REDIC1: variants seen among roughly 807,000 people sequenced by gnomAD.
The protein encoded by REDIC1 is HEI10 Interacting Protein 1.
the REDIC1 span, chr12:39,871,707 A>G: frequency 1.6e-6 from 2 of 1,240,252 alleles, no homozygotes; most frequent in East Asian, 5.5e-5. Context: ...AACCAATATT[A>G]GAAGTGGTGT....
chr12:39,809,678 T>C, the REDIC1 span, among the ~76,000 whole-genome samples: 124 of 152,004 alleles, frequency 8.2e-4, no homozygotes, highest in African/African-American at 2.8e-3. Context: ...CACAACAGTC[T>C]CTGGTGTGTG....
the REDIC1 span, among the ~76,000 whole-genome samples, chr12:39,855,221 C>T: frequency 6.6e-6 from 1 of 152,196 alleles, no homozygotes; most frequent in East Asian, 1.9e-4. Context: ...TATTTAATAA[C>T]TTTATTTTTT....
the REDIC1 span, among the ~76,000 whole-genome samples, chr12:39,803,204 CAAAAA>C: frequency 1.4e-5 from 1 of 73,736 alleles, no homozygotes; most frequent in South Asian, 4.1e-4. Context: ...GAAGCAAATG[CAAAAA>C]AAAAAAAAAA....
the REDIC1 span, among the ~76,000 whole-genome samples, chr12:39,712,924 CATATACGTGT>C: frequency 5.5e-5 from 8 of 144,316 alleles, no homozygotes; most frequent in Admixed American, 1.4e-4. Context: ...TACATATGTG[CATATACGTGT>C]ATATACGTGT....
the REDIC1 span, among the ~76,000 whole-genome samples, chr12:39,741,299 A>T: frequency 6.6e-6 from 1 of 151,456 alleles, no homozygotes; most frequent in Non-Finnish European, 1.5e-5. Context: ...CCTCTCCTTT[A>T]AAAAAAAATA....
the REDIC1 span, among the ~76,000 whole-genome samples, chr12:39,865,522 G>A: frequency 6.6e-6 from 1 of 152,134 alleles, no homozygotes; most frequent in Non-Finnish European, 1.5e-5. Flanking sequence ...TAGGAATGGT[G>A]ATTAAGTATA....
chr12:39,680,928 C>A, the REDIC1 span, among the ~76,000 whole-genome samples: 1 of 152,164 alleles, frequency 6.6e-6, no homozygotes, highest in African/African-American at 2.4e-5. Context: ...AACATTGTTA[C>A]GTTCTTACTT....
the REDIC1 span, among the ~76,000 whole-genome samples, chr12:39,688,454 G>T: frequency 2.0e-5 from 3 of 152,220 alleles, no homozygotes; most frequent in Non-Finnish European, 2.9e-5. Context: ...CAAGTACCTT[G>T]TTTCATTCTA....
the REDIC1 span, among the ~76,000 whole-genome samples, chr12:39,887,754 A>G: frequency 2.9e-4 from 44 of 152,220 alleles, no homozygotes; most frequent in Non-Finnish European, 4.4e-4. Context: ...AAAATTCCAG[A>G]TTTTCTTTCT....
At chr12:39,732,793 C>T in the REDIC1 span, among the ~76,000 whole-genome samples, 3 of 152,026 alleles carry the variant, frequency 2.0e-5, no homozygotes, top group Non-Finnish European at 2.9e-5. Context: ...ACTCAAAATG[C>T]CCATATTTGG....
the REDIC1 span, among the ~76,000 whole-genome samples, chr12:39,664,762 G>A: frequency 1.5e-4 from 23 of 152,100 alleles, no homozygotes; most frequent in African/African-American, 4.3e-4. Context: ...TTTAATAATC[G>A]CCATTCTAAC....
the REDIC1 span, among the ~76,000 whole-genome samples, chr12:39,707,148 CA>C: frequency 3.3e-5 from 5 of 151,772 alleles, no homozygotes; most frequent in Non-Finnish European, 1.5e-5. Context: ...ATAAGGAGTT[CA>C]AACAACTGTA....
chr12:39,643,501 A>G, the REDIC1 span, among the ~76,000 whole-genome samples: 5 of 151,660 alleles, frequency 3.3e-5, no homozygotes, highest in South Asian at 4.1e-4. Flanking sequence ...AACTTTCTAT[A>G]TAGAGATAAT....
the REDIC1 span, among the ~76,000 whole-genome samples, chr12:39,823,084 G>T: frequency 6.6e-6 from 1 of 152,130 alleles, no homozygotes; most frequent in African/African-American, 2.4e-5. Flanking sequence ...TTATTTATGG[G>T]TAGATGAAAC....
the REDIC1 span, among the ~76,000 whole-genome samples, chr12:39,663,536 T>C: frequency 6.6e-6 from 1 of 152,068 alleles, no homozygotes; most frequent in Non-Finnish European, 1.5e-5. Flanking sequence ...ATTCATGCAG[T>C]GGATCCATAT....
the REDIC1 span, among the ~76,000 whole-genome samples, chr12:39,798,208 A>C: frequency 6.6e-6 from 1 of 152,304 alleles, no homozygotes; most frequent in South Asian, 2.1e-4. Context: ...CGAGGAAGCC[A>C]CCTTGGAAGT....
At chr12:39,712,029 C>CATGTATATATTCCTACCTGT in the REDIC1 span, among the ~76,000 whole-genome samples, 1 of 113,290 alleles carries the variant, frequency 8.8e-6, no homozygotes, top group Non-Finnish European at 1.8e-5. Flanking sequence ...TGTATATATA[C>CATGTATATATTCCTACCTGT]ATGTATATAT....
the REDIC1 span, chr12:39,626,235 G>A: frequency 7.5e-7 from 1 of 1,333,566 alleles, no homozygotes; most frequent in Non-Finnish European, 1.1e-6. Context: ...CCCTGACGTT[G>A]TCAGGAGGCC....
At chr12:39,842,350 ACTTG>A in the REDIC1 span, among the ~76,000 whole-genome samples, 1,721 of 152,184 alleles carry the variant, frequency 0.011, 32 homozygotes, top group African/African-American at 0.039. Context: ...AAGCTAAGAG[ACTTG>A]CTCATGTCTC....
Sources: gnomAD v4.1 joint callset for allele counts (sites outside exome capture counted in the v4.1 genomes callset) on GRCh38, gnomAD v4.1.1 for gene constraint, MANE v1.5 for transcripts, NCBI Gene and HGNC (gene_info 2026-07-23, HGNC 2026-07-21) for gene names.